The following RAB38 variants were observed in gnomAD, a reference collection of about 807,000 sequenced individuals.
The protein encoded by RAB38 is ras-related protein Rab-38.
In RAB38, 15 loss-of-function variants were observed where a neutral mutation model predicts 18.4. The ratio of observed to expected loss-of-function variants is 0.82; its 90% CI spans 0.55 to 1.26. RAB38 has a LOEUF of 1.26. Ranked by LOEUF, RAB38 falls within the 50% of genes most tolerant of loss-of-function variation. The pLI, the probability that RAB38 is intolerant of heterozygous loss-of-function variation, is 0.00. For missense variants in RAB38, 294 were observed against 267.4 expected, an observed-to-expected ratio of 1.10 and a Z score of -0.69; for synonymous variants, 101 against 104.4, an observed-to-expected ratio of 0.97 and a Z score of 0.20.
chr11:87,925,396 TGTTAGG>T, the RAB38 span, among the ~76,000 whole-genome samples: 2 of 152,024 alleles, frequency 1.3e-5, no homozygotes, highest in African/African-American at 4.8e-5. Flanking sequence ...TAAGCATCTG[TGTTAGG>T]GTTAGGGTTA....
At chr11:87,841,749 T>C in the RAB38 span, among the ~76,000 whole-genome samples, 1 of 152,178 alleles carries the variant, frequency 6.6e-6, no homozygotes, top group Non-Finnish European at 1.5e-5. Flanking sequence ...TGAACACATC[T>C]AGATACTTTG....
the RAB38 span, among the ~76,000 whole-genome samples, chr11:87,858,489 C>A: frequency 2.0e-5 from 3 of 152,012 alleles, no homozygotes; most frequent in Non-Finnish European, 4.4e-5. Flanking sequence ...ATATTTCATT[C>A]ATGGGATCAC....
At chr11:87,872,502 G>A in the RAB38 span, among the ~76,000 whole-genome samples, 5,853 of 151,394 alleles carry the variant, frequency 0.039, 235 homozygotes, top group African/African-American at 0.1. Flanking sequence ...CTTAATTTAC[G>A]TTCTATGGGT....
chr11:88,130,047 T>G (rs1591160425), intron 2 of RAB38, among the ~76,000 whole-genome samples: 1 of 152,258 alleles, frequency 6.6e-6, no homozygotes, highest in East Asian at 1.9e-4. Context: ...TTTGGAAGTA[T>G]TCCACAAACT....
At chr11:87,942,664 AG>A in the RAB38 span, among the ~76,000 whole-genome samples, 1 of 152,156 alleles carries the variant, frequency 6.6e-6, no homozygotes, top group Non-Finnish European at 1.5e-5. Context: ...ATAGACTAGA[AG>A]GAACACTAGG....
chr11:87,938,320 G>C, the RAB38 span, among the ~76,000 whole-genome samples: 1 of 152,046 alleles, frequency 6.6e-6, no homozygotes. Context: ...TTGGTGTGAG[G>C]TTGGAAGCTC....
chr11:87,947,959 G>A, the RAB38 span, among the ~76,000 whole-genome samples: 2 of 152,120 alleles, frequency 1.3e-5, no homozygotes, highest in Admixed American at 1.3e-4. Context: ...GATGGGGATG[G>A]CAGTGAATCT....
chr11:87,865,125 T>TG, the RAB38 span, among the ~76,000 whole-genome samples: 1 of 151,536 alleles, frequency 6.6e-6, no homozygotes, highest in Non-Finnish European at 1.5e-5. Context: ...ATGGAGGAAA[T>TG]GGGGGAAAAG....
the RAB38 span, among the ~76,000 whole-genome samples, chr11:87,959,401 C>G: frequency 6.6e-6 from 1 of 152,140 alleles, no homozygotes; most frequent in Non-Finnish European, 1.5e-5. Context: ...AAGTCAAATA[C>G]TAAGTAGGTA....
chr11:88,076,023 T>C, the RAB38 span, among the ~76,000 whole-genome samples: 8 of 149,316 alleles, frequency 5.4e-5, no homozygotes, highest in East Asian at 1.6e-3. Context: ...ATATTAAAAT[T>C]GAAAATAATA....
chr11:88,117,628 C>G (rs897580954), intron 2 of RAB38, among the ~76,000 whole-genome samples: 10 of 152,154 alleles, frequency 6.6e-5, no homozygotes, highest in Admixed American at 6.6e-4. Context: ...ACCACAGGCA[C>G]GCTACAAAAA....
At chr11:88,173,580 T>C in intron 1 of RAB38, 3 of 985,432 alleles carry the variant, frequency 3.0e-6, no homozygotes, top group Non-Finnish European at 3.6e-6. Flanking sequence ...ACCTGGATTG[T>C]ACACAGAAGT....
At chr11:87,867,444 T>C in the RAB38 span, among the ~76,000 whole-genome samples, 1 of 151,866 alleles carries the variant, frequency 6.6e-6, no homozygotes, top group East Asian at 2.0e-4. Flanking sequence ...CTAAAAGTCA[T>C]TTAACCTTTA....
chr11:88,016,389 A>G, the RAB38 span, among the ~76,000 whole-genome samples: 1 of 152,270 alleles, frequency 6.6e-6, no homozygotes, highest in East Asian at 1.9e-4. Flanking sequence ...TGCCTAAAGA[A>G]TCTACTCAGA....
the RAB38 span, among the ~76,000 whole-genome samples, chr11:87,810,097 TATC>T: frequency 9.0e-4 from 137 of 152,304 alleles, 1 homozygote; most frequent in Admixed American, 8.0e-3. Context: ...GATTGTCTAT[TATC>T]ATACAGACAC....
the RAB38 span, among the ~76,000 whole-genome samples, chr11:88,090,549 T>C: frequency 6.6e-6 from 1 of 151,906 alleles, no homozygotes; most frequent in Non-Finnish European, 1.5e-5. Context: ...AAAAGAAGTA[T>C]TTTTATTAAA....
the RAB38 span, among the ~76,000 whole-genome samples, chr11:87,899,150 A>G: frequency 6.6e-6 from 1 of 151,624 alleles, no homozygotes; most frequent in Non-Finnish European, 1.5e-5. Context: ...ATTCAAGTAA[A>G]GCTGTGTATC....
chr11:88,120,203 C>G (rs1281886831), intron 2 of RAB38, among the ~76,000 whole-genome samples: 4 of 152,198 alleles, frequency 2.6e-5, no homozygotes, highest in Non-Finnish European at 5.9e-5. Context: ...CACAATAACT[C>G]TGAGATGGGA....
chr11:88,027,305 G>T, the RAB38 span, among the ~76,000 whole-genome samples: 1 of 152,224 alleles, frequency 6.6e-6, no homozygotes, highest in South Asian at 2.1e-4. Flanking sequence ...CGCAGAAGAC[G>T]GGTGATTTCT....
Sources: gnomAD v4.1 joint callset for allele counts (sites outside exome capture counted in the v4.1 genomes callset) on GRCh38, gnomAD v4.1.1 for gene constraint, MANE v1.5 for transcripts, NCBI Gene and HGNC (gene_info 2026-07-23, HGNC 2026-07-21) for gene names.